Variants in TMEM175 observed in about 807,000 individuals in gnomAD.
The protein encoded by TMEM175 is transmembrane protein 175.
In TMEM175, 36 loss-of-function variants were observed where a neutral mutation model predicts 36.5. That is an observed-to-expected ratio of 0.99 (90% CI 0.76 to 1.30). The LOEUF (loss-of-function observed/expected upper bound fraction) is 1.30, where lower values mean the gene tolerates loss of function less well. Ranked by LOEUF, TMEM175 falls within the 50% of genes most tolerant of loss-of-function variation. TMEM175 has a pLI of 0.00. For synonymous variants in TMEM175, 339 were observed against 313.4 expected, an observed-to-expected ratio of 1.08 and a Z score of -0.86; for missense variants, 705 against 692.8, an observed-to-expected ratio of 1.02 and a Z score of -0.20.
chr4:955,028 T>C (rs1729431996), intron 8 of TMEM175, among the ~76,000 whole-genome samples: 1 of 152,210 alleles, frequency 6.6e-6, no homozygotes, highest in Non-Finnish European at 1.5e-5. Flanking sequence ...TCACCCAGGC[T>C]GGAGTGCAGT....
In TMEM175 at chr4:957,716, C is replaced by T. The variant is rs561297718; in HGVS notation, c.843-108C>T. ...ACACTGGGAAGTCCACATGGTTCAT[C>T]TGAAAACGTGCCAGATCCAGGCAGC... On this transcript the variant is annotated intron_variant, in intron 10 of 10. Coordinates refer to ENST00000264771, the MANE Select transcript of TMEM175 (RefSeq NM_032326.4). 34 of 1,130,348 alleles carry T rather than the reference C, an allele frequency of 3.0e-5. 1 individual carries two copies. The East Asian group carries it at 7.1e-4, about 24-fold the overall frequency. 70.0% of individuals were successfully genotyped at this position (1,130,348 alleles called of 1,614,324 possible).
At chr4:953,744 G>A (rs1729263704) in intron 8 of TMEM175, among the ~76,000 whole-genome samples, 1 of 152,248 alleles carries the variant, frequency 6.6e-6, no homozygotes, top group Non-Finnish European at 1.5e-5. Flanking sequence ...GGAGGGCAGT[G>A]GTGTGATCTT....
intron 3 of TMEM175, 94 bp from the exon 4 acceptor site, chr4:950,327 G>A: frequency 9.4e-7 from 1 of 1,061,202 alleles, no homozygotes; most frequent in Non-Finnish European, 1.4e-6. Flanking sequence ...CCTGCCCTGG[G>A]CCGAGGCCAG....
At chr4:936,693 C>T (rs1381270816) in intron 1 of TMEM175, among the ~76,000 whole-genome samples, 4 of 152,200 alleles carry the variant, frequency 2.6e-5, no homozygotes, top group African/African-American at 4.8e-5. Flanking sequence ...CGGTGGCTCA[C>T]GCCTGTAATC....
Position 948,108 on chromosome 4 carries a change from C to T in TMEM175, c.154-8C>T. 3 of 1,614,154 alleles carry T rather than the reference C, an allele frequency of 1.9e-6. No individual in the cohort carries two copies. Among genetic ancestry groups the T allele is most frequent in the Non-Finnish European group, 2.5e-6 (3 of 1,180,038 alleles). On this transcript the variant is annotated splice_polypyrimidine_tract_variant and splice_region_variant and intron_variant, in intron 2 of 10. Transcript: ENST00000264771. ...CTCCTGCTTCCTTCTGTCTCTTTGC[C>T]CCCTCAGATCCTGCCTGTGACCCAC... is the stretch of plus-strand genomic sequence containing the variant.
chr4:939,723 G>GA (rs1727209457), intron 1 of TMEM175, among the ~76,000 whole-genome samples: 1 of 151,868 alleles, frequency 6.6e-6, no homozygotes, highest in Non-Finnish European at 1.5e-5. Context: ...CTCAAAAAAA[G>GA]AAAAAAGAAA....
At chr4:948,873 G>A (rs905997525) in intron 3 of TMEM175, among the ~76,000 whole-genome samples, 1 of 152,220 alleles carries the variant, frequency 6.6e-6, no homozygotes, top group Non-Finnish European at 1.5e-5. Flanking sequence ...GGGGGACGCC[G>A]AGAAGTCATG....
chr4:947,243 C>CCGAGAG (rs1553906009), intron 1 of TMEM175, among the ~76,000 whole-genome samples: 6 of 145,280 alleles, frequency 4.1e-5, no homozygotes, highest in Admixed American at 2.7e-4. Flanking sequence ...TGCACGGGCC[C>CCGAGAG]CGAGAGCGAG....
At chr4:935,050 T>G (rs900713182) in intron 1 of TMEM175, among the ~76,000 whole-genome samples, 1 of 152,160 alleles carries the variant, frequency 6.6e-6, no homozygotes, top group Non-Finnish European at 1.5e-5. Flanking sequence ...CTAAAATAGC[T>G]ATTATGAGAA....
In TMEM175 at chr4:957,737, G is replaced by A. The variant is rs565402810; in HGVS notation, c.843-87G>A. The stretch of plus-strand genomic sequence containing the variant: ...TCATCTGAAAACGTGCCAGATCCAG[G>A]CAGCCCTGACAGGCGCTCAGCCACC... On this transcript the variant is annotated intron_variant, in intron 10 of 10. Coordinates refer to ENST00000264771, the MANE Select transcript of TMEM175 (RefSeq NM_032326.4). 16 of 1,352,394 alleles carry A rather than the reference G, an allele frequency of 1.2e-5. No homozygotes were observed. In the South Asian group the frequency reaches 2.0e-4, roughly 17 times the overall value. 83.8% of individuals were successfully genotyped at this position (1,352,394 alleles called of 1,614,324 possible). A position where few individuals can be genotyped will look rare whatever the true frequency, so the allele number is the denominator to read the frequency against.
rs1459561407 is a variant in TMEM175 at position 932,842 on chromosome 4, C to T, written c.-32+302C>T. 1.3e-5 allele frequency among the ~76,000 whole-genome samples: 2 copies of T among 152,238 alleles called. No homozygotes were observed. Among genetic ancestry groups the T allele is most frequent in the African/African-American group, 4.8e-5 (2 of 41,464 alleles). The stretch of plus-strand genomic sequence containing the variant: ...TGGCAGCCCCCTCCCAGCAGCCAGG[C>T]AGGCAGTTTGCAGGGGAAACGCTGC... On this transcript the variant is annotated intron_variant, in intron 1 of 10. Transcript: ENST00000264771. This position sits in a 1 kb window ranked among gnomAD's most constrained non-coding sequence, Gnocchi z 4.0.
chr4:958,250 G>T lies in TMEM175; in HGVS notation c.1269G>T (p.Leu423=). Residue 423 remains leucine (L), a synonymous_variant, in exon 11 of 11, where the codon CTG becomes CTT. Transcript: ENST00000264771. ...AGCATGTGCTCATGTTCGCCAAGCT[G>T]GCGCTGTACCCCTGTGCCAGCCTGC... ...GREHVLMFAK[L]ALYPCASLLA... The T allele has an allele frequency of 6.2e-7, 1 of 1,605,570 alleles. No individual in the cohort carries two copies.
chr4:948,946 T>C (rs1728529967), intron 3 of TMEM175, among the ~76,000 whole-genome samples: 1 of 151,712 alleles, frequency 6.6e-6, no homozygotes, highest in Admixed American at 6.6e-5. Flanking sequence ...TTACATAGGG[T>C]TTTCATAAGT....
At chr4:949,728 C>T (rs1358494112) in intron 3 of TMEM175, among the ~76,000 whole-genome samples, 2 of 147,912 alleles carry the variant, frequency 1.4e-5, no homozygotes, top group Non-Finnish European at 3.0e-5. Context: ...AGGGCGAGGG[C>T]CCCGGTGCCT....
Position 956,442 on chromosome 4 carries a change from G to GT in TMEM175, c.842+552_842+553insT, listed in dbSNP as rs1560500418. 4.1e-4 allele frequency: 521 copies of GT among 1,269,948 alleles called. 2 individuals carry two copies. In the African/African-American group the frequency reaches 5.8e-3, roughly 14 times the overall value. The allele number at this position is 1,269,948 out of a possible 1,614,324, so 78.7% of individuals were successfully genotyped here. A position where few individuals can be genotyped will look rare whatever the true frequency, so the allele number is the denominator to read the frequency against. ...GTCGTCACGTTTTTGGTTTTTGTGG[G>GT]GTTTTTTTTTTTTTTTTTTTGAGAC... On this transcript the variant is annotated intron_variant, in intron 10 of 10. Coordinates refer to ENST00000264771, the MANE Select transcript of TMEM175 (RefSeq NM_032326.4).
rs147980248 is a variant in TMEM175 at position 952,563 on chromosome 4, C to CTGTGTGTGTG, written c.462+133_462+142dup. The CTGTGTGTGTG allele has an allele frequency of 4.1e-5, 27 of 663,842 alleles. No individual in the cohort carries two copies. In the African/African-American group the frequency reaches 5.5e-4, roughly 13 times the overall value. 41.1% of individuals were successfully genotyped at this position (663,842 alleles called of 1,614,324 possible). ...AGGTAGGGGGCCCAGGGGGCCTGCA[C>CTGTGTGTGTG]TGTGTGTGTGTGTGTGTGTGTGTGT... On this transcript the variant is annotated intron_variant, in intron 7 of 10. Coordinates refer to ENST00000264771, the MANE Select transcript of TMEM175 (RefSeq NM_032326.4).
chr4:939,045 G>C (rs1203097149), intron 1 of TMEM175, among the ~76,000 whole-genome samples: 4 of 152,182 alleles, frequency 2.6e-5, no homozygotes, highest in African/African-American at 9.7e-5. Flanking sequence ...GCCTGTAGTC[G>C]CAGCAACTCA....
chr4:951,234 C>T lies in TMEM175; in HGVS notation c.318C>T (p.Asp106=), dbSNP rs769309961. ...TRLFQVVGKT[D]DTLALLNLAC... Reference sequence around the variant, plus strand: ...TGTTCCAAGTTGTTGGGAAAACAGACGACACACTTGCCCTGCTCAACCTGG... The same window carrying T: ...TGTTCCAAGTTGTTGGGAAAACAGATGACACACTTGCCCTGCTCAACCTGG... The change falls in exon 5 of 11, where the codon GAC becomes GAT. Residue 106 remains aspartate (D), a synonymous_variant. Transcript: ENST00000264771. 1.8e-5 allele frequency: 29 copies of T among 1,613,946 alleles called. No individual in the cohort carries two copies. The Admixed American group carries it at 2.3e-4, about 13-fold the overall frequency.
Position 947,712 on chromosome 4 carries a change from C to T in TMEM175, c.-28C>T. 6.3e-7 allele frequency: 1 copy of T among 1,579,328 alleles called. No homozygotes were observed. Among genetic ancestry groups the T allele is most frequent in the Non-Finnish European group, 8.6e-7 (1 of 1,161,666 alleles). Reference sequence around the variant, plus strand: ...TCAGACCTGCCTTTCCTCCCAGGCTCCTGTAACCGCCAGGCAGCGGCCCCG... The same window carrying T: ...TCAGACCTGCCTTTCCTCCCAGGCTTCTGTAACCGCCAGGCAGCGGCCCCG... On this transcript the variant is annotated 5_prime_UTR_variant, in exon 2 of 11. Transcript: ENST00000264771.
Sources: gnomAD v4.1 joint callset for allele counts (sites outside exome capture counted in the v4.1 genomes callset) on GRCh38, gnomAD v4.1.1 for gene constraint, Gnocchi (gnomAD v3.1) non-coding constraint, MANE v1.5 for transcripts, NCBI Gene and HGNC (gene_info 2026-07-23, HGNC 2026-07-21) for gene names.